PRKCH: variants seen among roughly 807,000 people sequenced by gnomAD.
PRKCH encodes the protein protein kinase C eta, also known as protein kinase C eta type.
A neutral mutation model predicts 82.5 loss-of-function variants in PRKCH; 28 were observed. That is an observed-to-expected ratio of 0.34 (90% confidence interval 0.25 to 0.47). PRKCH has a LOEUF of 0.47. Among genes scored for constraint, PRKCH ranks in the 20% least tolerant of loss-of-function variants. The pLI is 1.00. For synonymous variants in PRKCH, 322 were observed against 327.4 expected (o/e 0.98, Z 0.18); for missense variants, 705 against 881.8 (o/e 0.80, Z 2.54).
At chr14:61,232,511 G>A (rs1373205971) in intron 1 of PRKCH, among the ~76,000 whole-genome samples, 6 of 152,212 alleles carry the variant, frequency 3.9e-5, no homozygotes, top group South Asian at 2.1e-4. Flanking sequence ...GTGAGCCACC[G>A]TGCCCGGCCA....
chr14:61,236,710 CAAAAAAAA>C (rs35185475), intron 1 of PRKCH, among the ~76,000 whole-genome samples: 33 of 87,672 alleles, frequency 3.8e-4, no homozygotes, highest in African/African-American at 1.2e-3. Flanking sequence ...TGTCTCAAAA[CAAAAAAAA>C]AAAAAAAAAA....
intron 12 of PRKCH, among the ~76,000 whole-genome samples, chr14:61,545,725 A>C (rs560642243): frequency 1.3e-5 from 2 of 152,178 alleles, no homozygotes; most frequent in Non-Finnish European, 2.9e-5. Flanking sequence ...CCTGTCCCCA[A>C]TTCCAAGGGT....
rs911690036 is a variant in PRKCH at position 61,220,318 on chromosome 14, G to A, written c.-19+32650G>A. On this transcript the variant is annotated intron_variant, in intron 1 of 3. Transcript: ENST00000555185. ...AACTTTTTTGATCACCTCGGCCAGA[G>A]CTATAGCTATTGGACAAAATGGGAG... Among the ~76,000 whole-genome samples, 76 of 152,298 alleles carry A rather than the reference G, an allele frequency of 5.0e-4. 1 individual carries two copies. The highest frequency in any genetic ancestry group is 1.6e-3 in the African/African-American group (67 of 41,568).
chr14:61,398,576 A>G (rs916022892), intron 2 of PRKCH, among the ~76,000 whole-genome samples: 1 of 152,206 alleles, frequency 6.6e-6, no homozygotes, highest in South Asian at 2.1e-4. Flanking sequence ...ACCAGACATG[A>G]TGTGTCTCCT....
At chr14:61,243,381 CT>C (rs1405886832) in intron 1 of PRKCH, among the ~76,000 whole-genome samples, 2 of 28,696 alleles carry the variant, frequency 7.0e-5, no homozygotes, top group Non-Finnish European at 1.4e-4. Flanking sequence ...AAGACTCTGT[CT>C]CAAAAAAAAA....
intron 2 of PRKCH, among the ~76,000 whole-genome samples, chr14:61,412,312 T>C (rs1882307357): frequency 6.6e-6 from 1 of 152,224 alleles, no homozygotes; most frequent in Admixed American, 6.5e-5. Context: ...GAAACATACT[T>C]GTCTTTAAAA....
intron 1 of PRKCH, among the ~76,000 whole-genome samples, chr14:61,350,971 G>C (rs3783810): frequency 2.6e-5 from 4 of 152,082 alleles, no homozygotes; most frequent in African/African-American, 7.2e-5. Flanking sequence ...CAAGTAGTTC[G>C]GCTGCTTCCT....
chr14:61,355,570 A>G (rs949143400), intron 1 of PRKCH, among the ~76,000 whole-genome samples: 3 of 152,164 alleles, frequency 2.0e-5, no homozygotes, highest in Admixed American at 2.0e-4. Context: ...AAATATTTTA[A>G]GTAATTTGAC....
At chr14:61,245,893 C>A (rs1336704303) in intron 1 of PRKCH, among the ~76,000 whole-genome samples, 1 of 152,134 alleles carries the variant, frequency 6.6e-6, no homozygotes, top group Non-Finnish European at 1.5e-5. Context: ...GTGAGCAGAT[C>A]TGGGAGGATG....
intron 10 of PRKCH, among the ~76,000 whole-genome samples, chr14:61,500,400 G>T (rs1014475255): frequency 6.6e-6 from 1 of 152,000 alleles, no homozygotes; most frequent in Non-Finnish European, 1.5e-5. Flanking sequence ...GTCTCGCTAT[G>T]TTGCCCAGGC....
At chr14:61,379,266 C>T (rs1204168836) in intron 1 of PRKCH, among the ~76,000 whole-genome samples, 3 of 152,018 alleles carry the variant, frequency 2.0e-5, no homozygotes, top group Admixed American at 6.6e-5. Flanking sequence ...ATTGTACAAA[C>T]GTTCCCTCTT....
At chr14:61,456,903 T>C (rs746690530) in intron 7 of PRKCH, 1 of 335,634 alleles carries the variant, frequency 3.0e-6, no homozygotes, top group Admixed American at 4.6e-5. Context: ...AAGGCATTGG[T>C]GTTTCCATGC....
intron 1 of PRKCH, among the ~76,000 whole-genome samples, chr14:61,368,403 C>G (rs1038406796): frequency 6.6e-6 from 1 of 152,098 alleles, no homozygotes; most frequent in Non-Finnish European, 1.5e-5. Context: ...AGGCCCTGTA[C>G]TGCCATGTCC....
In PRKCH at chr14:61,338,686, T is replaced by C. The variant is rs187010572; in HGVS notation, c.363+16222T>C. On this transcript the variant is annotated intron_variant, in intron 1 of 13. Coordinates refer to ENST00000332981, the MANE Select transcript of PRKCH (RefSeq NM_006255.5). ...TCTAGGTACAACTGTGACCTTGAAG[T>C]GACCTTGAGTTTAAGTTGCCATTTA... Among the ~76,000 whole-genome samples the C allele has an allele frequency of 4.6e-4, 70 of 152,304 alleles. No homozygotes were observed. In the East Asian group the frequency reaches 8.9e-3, roughly 19 times the overall value.
In PRKCH at chr14:61,256,369, T is replaced by C. The variant is rs1443595469; in HGVS notation, c.-19+68701T>C. Reference sequence around the variant, plus strand: ...TCCATTTTCCAGTTGCTAACCTGAATTCCCCGGAGTTGGTTTCTGAGCATA... The same window carrying C: ...TCCATTTTCCAGTTGCTAACCTGAACTCCCCGGAGTTGGTTTCTGAGCATA... On this transcript the variant is annotated intron_variant, in intron 1 of 3. Coordinates refer to the PRKCH transcript ENST00000555185. 2.6e-5 allele frequency among the ~76,000 whole-genome samples: 4 copies of C among 152,176 alleles called. No homozygotes were observed. The South Asian group carries it at 8.3e-4, about 32-fold the overall frequency.
At chr14:61,227,624 A>T (rs1403486154) in intron 1 of PRKCH, among the ~76,000 whole-genome samples, 1 of 151,992 alleles carries the variant, frequency 6.6e-6, no homozygotes, top group Non-Finnish European at 1.5e-5. Context: ...ATAAATAAAG[A>T]TTGCAGTTGT....
intron 10 of PRKCH, among the ~76,000 whole-genome samples, chr14:61,497,465 A>G (rs1005400187): frequency 6.6e-6 from 1 of 152,198 alleles, no homozygotes; most frequent in African/African-American, 2.4e-5. Flanking sequence ...AAAGCATCAA[A>G]CACATGTTCC....
At chr14:61,416,053 CTTT>C (rs71117815) in intron 2 of PRKCH, among the ~76,000 whole-genome samples, 15,833 of 92,932 alleles carry the variant, frequency 0.17, 643 homozygotes, top group Middle Eastern at 0.36. Flanking sequence ...CTTTTCTTTT[CTTT>C]TTTTTTTTTT....
chr14:61,471,512 G>C (rs1885502572), intron 9 of PRKCH, among the ~76,000 whole-genome samples: 1 of 151,494 alleles, frequency 6.6e-6, no homozygotes. Context: ...TGCTTTACCG[G>C]GCTAAAAAAA....
Sources: gnomAD v4.1 joint callset for allele counts (sites outside exome capture counted in the v4.1 genomes callset) on GRCh38, gnomAD v4.1.1 for gene constraint, MANE v1.5 for transcripts, NCBI Gene and HGNC (gene_info 2026-07-23, HGNC 2026-07-21) for gene names.